SEMA6D: variants seen among roughly 807,000 people sequenced by gnomAD.
SEMA6D encodes semaphorin-6D.
A neutral mutation model predicts 106.6 loss-of-function variants in SEMA6D; 35 were observed. The ratio of observed to expected loss-of-function variants is 0.33; its 90% CI spans 0.25 to 0.44. SEMA6D has a LOEUF of 0.44. Among genes scored for constraint, SEMA6D ranks in the 20% least tolerant of loss-of-function variants. SEMA6D has a pLI of 1.00. For missense variants in SEMA6D, 1,185 were observed against 1,345.9 expected, an observed-to-expected ratio of 0.88 and a Z score of 1.87; for synonymous variants, 499 against 487.7, an observed-to-expected ratio of 1.02 and a Z score of -0.31.
intron 4 of SEMA6D, among the ~76,000 whole-genome samples, chr15:47,663,962 A>G (rs751173881): frequency 2.6e-5 from 4 of 152,190 alleles, no homozygotes; most frequent in Non-Finnish European, 5.9e-5. Flanking sequence ...TTTTGGATCT[A>G]TTCTTGTTTT....
intron 1 of SEMA6D, among the ~76,000 whole-genome samples, chr15:47,375,109 G>A (rs778440102): frequency 1.5e-4 from 23 of 152,156 alleles, no homozygotes; most frequent in Non-Finnish European, 2.8e-4. Context: ...CTGAAAAGCT[G>A]ACTAGCCGTG....
intron 1 of SEMA6D, among the ~76,000 whole-genome samples, chr15:47,229,260 A>G (rs188144578): frequency 2.6e-5 from 4 of 152,030 alleles, no homozygotes; most frequent in African/African-American, 9.6e-5. Context: ...TCATGGCTCT[A>G]GGACTAAAGA....
intron 1 of SEMA6D, among the ~76,000 whole-genome samples, chr15:47,297,227 C>G (rs960228319): frequency 2.6e-5 from 4 of 152,060 alleles, no homozygotes; most frequent in Non-Finnish European, 5.9e-5. Flanking sequence ...TATTTAGGCC[C>G]TAAAGGCATA....
At chr15:47,441,495 A>G (rs2041880971) in intron 2 of SEMA6D, among the ~76,000 whole-genome samples, 1 of 152,086 alleles carries the variant, frequency 6.6e-6, no homozygotes. Flanking sequence ...TGTAGACACA[A>G]TTTCATTTAT....
At chr15:47,437,364 A>G (rs2041750890) in intron 2 of SEMA6D, among the ~76,000 whole-genome samples, 1 of 152,142 alleles carries the variant, frequency 6.6e-6, no homozygotes, top group Non-Finnish European at 1.5e-5. Flanking sequence ...TTCAGTAGGC[A>G]GTAATAAAGT....
At chr15:47,473,287 G>T (rs1343079350) in intron 3 of SEMA6D, among the ~76,000 whole-genome samples, 1 of 152,140 alleles carries the variant, frequency 6.6e-6, no homozygotes, top group Non-Finnish European at 1.5e-5. Context: ...CAAAACCGGG[G>T]CTAGAGAAGA....
chr15:47,523,175 G>T (rs1310173982), intron 3 of SEMA6D, among the ~76,000 whole-genome samples: 1 of 152,174 alleles, frequency 6.6e-6, no homozygotes, highest in Non-Finnish European at 1.5e-5. Context: ...CACTTGGGAG[G>T]TCAGCCTCTC....
intron 1 of SEMA6D, among the ~76,000 whole-genome samples, chr15:47,356,668 G>A (rs559686135): frequency 4.6e-5 from 7 of 152,154 alleles, no homozygotes; most frequent in African/African-American, 1.7e-4. Flanking sequence ...AAGAACAACT[G>A]AACAAAGTTT....
At chr15:47,332,928 C>T (rs1203944487) in intron 1 of SEMA6D, among the ~76,000 whole-genome samples, 1 of 152,104 alleles carries the variant, frequency 6.6e-6, no homozygotes, top group African/African-American at 2.4e-5. Flanking sequence ...TGTTACCACC[C>T]CCAACAACTA....
At chr15:47,437,714 G>A (rs1394714795) in intron 2 of SEMA6D, among the ~76,000 whole-genome samples, 1 of 152,058 alleles carries the variant, frequency 6.6e-6, no homozygotes, top group Non-Finnish European at 1.5e-5. Context: ...GCATTGATTT[G>A]TCTGAGTCAT....
upstream of SEMA6D, among the ~76,000 whole-genome samples, chr15:47,715,329 A>T (rs1481935681): frequency 3.9e-5 from 6 of 152,226 alleles, no homozygotes; most frequent in Non-Finnish European, 7.3e-5. Context: ...CCAAATGCTA[A>T]TAAACCACAA....
At chr15:47,242,085 C>G (rs961568738) in intron 1 of SEMA6D, among the ~76,000 whole-genome samples, 2 of 152,036 alleles carry the variant, frequency 1.3e-5, no homozygotes, top group Non-Finnish European at 2.9e-5. Context: ...TTGAAACCCA[C>G]CTTTAACATG....
At chr15:47,517,777 T>C (rs1470289722) in intron 3 of SEMA6D, among the ~76,000 whole-genome samples, 1 of 152,192 alleles carries the variant, frequency 6.6e-6, no homozygotes, top group East Asian at 1.9e-4. Flanking sequence ...GAACTTTTTA[T>C]AACCCTCGAT....
At chr15:47,209,514 T>C (rs183974691) in intron 1 of SEMA6D, among the ~76,000 whole-genome samples, 1 of 152,312 alleles carries the variant, frequency 6.6e-6, no homozygotes, top group Admixed American at 6.5e-5. Context: ...CAAAGAATCA[T>C]TTATCAAAAA....
At chr15:47,227,247 C>T (rs1284216840) in intron 1 of SEMA6D, among the ~76,000 whole-genome samples, 4 of 151,944 alleles carry the variant, frequency 2.6e-5, no homozygotes, top group African/African-American at 9.7e-5. Flanking sequence ...AGAAAAGCTC[C>T]TACTTCTGTT....
intron 3 of SEMA6D, among the ~76,000 whole-genome samples, chr15:47,486,824 A>C (rs2043310490): frequency 6.6e-6 from 1 of 152,216 alleles, no homozygotes; most frequent in African/African-American, 2.4e-5. Context: ...GCATGGTTTA[A>C]AAATTTCTTC....
chr15:47,559,163 A>G (rs2046004037), intron 3 of SEMA6D, among the ~76,000 whole-genome samples: 3 of 152,146 alleles, frequency 2.0e-5, no homozygotes, highest in Admixed American at 2.0e-4. Context: ...AGACACAGCA[A>G]AGAGTCAATG....
At chr15:47,438,672 A>G (rs945403723) in intron 2 of SEMA6D, among the ~76,000 whole-genome samples, 10 of 151,600 alleles carry the variant, frequency 6.6e-5, no homozygotes, top group African/African-American at 2.4e-4. Context: ...CTCATCTCCT[A>G]TAGGTTTGCT....
At chr15:47,535,363 G>T (rs76771360) in intron 3 of SEMA6D, among the ~76,000 whole-genome samples, 2,680 of 152,190 alleles carry the variant, frequency 0.018, 88 homozygotes, top group African/African-American at 0.062. Context: ...CTTGCCCAAG[G>T]TCACTGAGTA....
Sources: allele counts gnomAD v4.1 joint callset (sites outside exome capture counted in the v4.1 genomes callset), GRCh38; gene constraint gnomAD v4.1.1; transcripts MANE v1.5; gene names NCBI Gene and HGNC (gene_info 2026-07-23, HGNC 2026-07-21).